The following CRNKL1 variants were observed in gnomAD, a reference collection of about 807,000 sequenced individuals.
The protein encoded by CRNKL1 is crooked neck-like protein 1.
A neutral mutation model predicts 103.7 loss-of-function variants in CRNKL1; 35 were observed. That is an observed-to-expected ratio of 0.34 (90% CI 0.26 to 0.45). CRNKL1 has a LOEUF of 0.45. Ranked by LOEUF, CRNKL1 falls within the 20% of genes least tolerant of loss-of-function variation. The probability of loss-of-function intolerance (pLI) is 1.00; values close to 1 mark genes in which losing one functional copy is unlikely to be tolerated. For missense variants in CRNKL1, 645 were observed against 836.0 expected (o/e 0.77, Z 2.82); for synonymous variants, 267 against 282.6 (o/e 0.94, Z 0.55).
In CRNKL1 at chr20:20,039,758, T is replaced by G. The variant is rs751448323; in HGVS notation, c.1396A>C (p.Lys466Gln). ...LQLREFDRCRKLYEKFLEFGP... is the reference protein window; with the variant it reads ...LQLREFDRCRQLYEKFLEFGP... The stretch of plus-strand genomic sequence containing the variant: ...AATTCCAGGAACTTTTCATAAAGCT[T>G]CCGGCATCTGTCAAATTCTCGAAGC... Residue 466 changes from lysine to glutamine, a missense_variant, in exon 11 of 14, where the codon AAG becomes CAG. Physicochemically the swap from Lys to Gln is moderately conservative, Grantham distance 53. Around this residue, in one of 2 missense-constraint regions of CRNKL1, gnomAD observed 582 missense variants for 707.7 expected, o/e 0.82. Transcript: ENST00000536226. The G allele has an allele frequency of 1.9e-6, 3 of 1,614,212 alleles. No individual in the cohort carries two copies. The South Asian group carries it at 3.3e-5, about 18-fold the overall frequency.
chr20:20,055,864 A>G, upstream of CRNKL1: 1 of 1,068,080 alleles, frequency 9.4e-7, no homozygotes, highest in Middle Eastern at 2.0e-4. Flanking sequence ...TTCCCTATGA[A>G]GGAAAGAAGG....
rs1371411631 is a variant in CRNKL1, at chr20:20,034,959, A to G, written c.*1236T>C. 6.6e-6 allele frequency: 1 copy of G among 152,062 alleles called. No homozygotes were observed. The highest frequency in any genetic ancestry group is 1.5e-5 in the Non-Finnish European group (1 of 68,048). 9.4% of individuals were successfully genotyped at this position (152,062 alleles called of 1,614,324 possible). A position where few individuals can be genotyped will look rare whatever the true frequency, so the allele number is the denominator to read the frequency against. Reference sequence around the variant, plus strand: ...CAGTTCTAGTCCTTGGGCAGTGAACAAAGAAAAAATGTGCTTGAGAAACAC... The same window carrying G: ...CAGTTCTAGTCCTTGGGCAGTGAACGAAGAAAAAATGTGCTTGAGAAACAC... On this transcript the variant is annotated 3_prime_UTR_variant, in exon 14 of 14. Transcript: ENST00000536226.
rs1276901415 is a variant in CRNKL1, at chr20:20,039,918, C to T, written c.1306-70G>A. ...TAATCTGTGCAGTTATTGCACTGCC[C>T]TAGAGGCTGTTCTCTGCTGAGGAAG... On this transcript the variant is annotated intron_variant, in intron 10 of 13. Coordinates refer to ENST00000536226, the MANE Select transcript of CRNKL1 (RefSeq NM_001278628.2). 5.4e-6 allele frequency: 8 copies of T among 1,489,450 alleles called. No individual in the cohort carries two copies. In the African/African-American group the frequency reaches 8.4e-5, roughly 16 times the overall value. The allele number at this position is 1,489,450 out of a possible 1,614,324, so 92.3% of individuals were successfully genotyped here.
intron 3 of CRNKL1, 120 bp downstream of exon 3, chr20:20,049,220 T>A: frequency 3.2e-6 from 2 of 629,342 alleles, no homozygotes; most frequent in Non-Finnish European, 5.4e-6. Flanking sequence ...GGAACCAAAG[T>A]TGAAAATTTC....
Position 20,052,423 on chromosome 20 carries a change from A to G in CRNKL1, c.-81T>C, listed in dbSNP as rs1433185794. ...CTCTGAGAGCTCACCGAAACCACAA[A>G]GCTTTCAGAAAACAAACAGGATCTC... On this transcript the variant is annotated 5_prime_UTR_variant, in exon 1 of 14. Transcript: ENST00000536226. 21 of 1,614,030 alleles carry G rather than the reference A, an allele frequency of 1.3e-5. No homozygotes were observed. Among genetic ancestry groups the G allele is most frequent in the Non-Finnish European group, 1.7e-5 (20 of 1,180,038 alleles).
intron 11 of CRNKL1, 28 bp from the exon 12 acceptor site, chr20:20,038,478 C>A (rs778890988): frequency 7.4e-7 from 1 of 1,354,390 alleles, no homozygotes; most frequent in South Asian, 1.3e-5. Context: ...ATGGGTCAGT[C>A]TTGACATTTA....
chr20:20,054,800 A>C (rs1325316875), upstream of CRNKL1, among the ~76,000 whole-genome samples: 2 of 152,044 alleles, frequency 1.3e-5, no homozygotes, highest in Non-Finnish European at 2.9e-5. Context: ...GGTTCCTTTA[A>C]AGTTTTCTGT....
At chr20:20,047,673 G>A in intron 5 of CRNKL1, 92 bp downstream of exon 5, 1 of 1,216,902 alleles carries the variant, frequency 8.2e-7, no homozygotes, top group Non-Finnish European at 1.1e-6. Flanking sequence ...TGACATTAAT[G>A]ACTGTGTGTC....
chr20:20,050,662 C>A, intron 1 of CRNKL1, 40 bp from the exon 2 acceptor site: 1 of 1,562,458 alleles, frequency 6.4e-7, no homozygotes, highest in Non-Finnish European at 8.7e-7. Context: ...AGTAGTTGCT[C>A]TTCACACAAG....
In CRNKL1 at chr20:20,052,314, T is replaced by G; in HGVS notation, c.29A>C (p.Gln10Pro). The G allele has an allele frequency of 6.2e-7, 1 of 1,611,906 alleles. No homozygotes were observed. The highest frequency in any genetic ancestry group is 8.5e-7 in the Non-Finnish European group (1 of 1,179,550). The change falls in exon 1 of 14, where the codon CAG becomes CCG. Residue 10 changes from glutamine (Q) to proline (P), a missense_variant. Around this residue, in one of 2 missense-constraint regions of CRNKL1, gnomAD observed 63 missense variants for 128.3 expected, o/e 0.49. Coordinates refer to ENST00000536226, the MANE Select transcript of CRNKL1 (RefSeq NM_001278628.2). MAASTAAGK[Q>P]RIPKVAKVKN... ...TACCTTGGCCACTTTGGGAATCCGC[T>G]GCTTCCCGGCCGCGGTGGAGGCCGC...
chr20:20,037,948 A>G (rs1402022562), intron 12 of CRNKL1, among the ~76,000 whole-genome samples: 1 of 151,988 alleles, frequency 6.6e-6, no homozygotes, highest in African/African-American at 2.4e-5. Context: ...TAGCCTGGGC[A>G]TTATGGTGCG....
At position 20,052,296 on chromosome 20, in the gene CRNKL1, G is replaced by C; in HGVS notation, c.47C>G (p.Ala16Gly). 1 of 1,609,664 alleles carries C rather than the reference G, an allele frequency of 6.2e-7. No individual in the cohort carries two copies. The highest frequency in any genetic ancestry group is 8.5e-7 in the Non-Finnish European group (1 of 1,179,106). The stretch of plus-strand genomic sequence containing the variant: ...AGGCCCCTCGCGATCGCCTACCTTG[G>C]CCACTTTGGGAATCCGCTGCTTCCC... ...AAGKQRIPKV[A>G]KVKNKAPAEV... Residue 16 changes from alanine to glycine, a missense_variant, in exon 1 of 14, where the codon GCC becomes GGC. Transcript: ENST00000536226.
At position 20,034,388 on chromosome 20, in the gene CRNKL1, GGATT is replaced by G. The variant is rs1206912452; in HGVS notation, c.*1803_*1806del. The G allele has an allele frequency of 1.3e-5, 2 of 152,084 alleles. No individual in the cohort carries two copies. Among genetic ancestry groups the G allele is most frequent in the East Asian group, 3.8e-4 (2 of 5,196 alleles). The allele number at this position is 152,084 out of a possible 1,614,324, so 9.4% of individuals were successfully genotyped here. On this transcript the variant is annotated 3_prime_UTR_variant, in exon 14 of 14. Transcript: ENST00000536226. ...AATTATTAAACTTTTACTATCGAAA[GGATT>G]TACTTTGGTGGAGTTGAGGGTGGGA... is the stretch of plus-strand genomic sequence containing the variant.
At chr20:20,045,538 A>G (rs1443068547) in intron 5 of CRNKL1, 52 bp from the exon 6 acceptor site, 2 of 1,502,350 alleles carry the variant, frequency 1.3e-6, no homozygotes, top group Non-Finnish European at 9.0e-7. Flanking sequence ...TTAAAAAAAT[A>G]GTAAGTAAGT....
At chr20:20,050,085 G>A (rs190714443) in intron 2 of CRNKL1, among the ~76,000 whole-genome samples, 22 of 152,306 alleles carry the variant, frequency 1.4e-4, no homozygotes, top group Admixed American at 1.4e-3. Flanking sequence ...CCAAAGTGTT[G>A]GGATTACAGG....
chr20:20,036,245 CCTT>C lies in CRNKL1; in HGVS notation c.2011_2013del (p.Lys671del), dbSNP rs2043417072. On this transcript the variant is annotated inframe_deletion, in exon 14 of 14. Transcript: ENST00000536226. ...TCATCTGGATGGTGCTCAGCATCCTCCTTTTCCTGCTGCTGTTTCTTCCACAGT... is the reference window on the plus strand; with the variant it reads ...TCATCTGGATGGTGCTCAGCATCCTCTTCCTGCTGCTGTTTCTTCCACAGT... The C allele has an allele frequency of 6.2e-7, 1 of 1,614,076 alleles. No homozygotes were observed. The highest frequency in any genetic ancestry group is 1.1e-5 in the South Asian group (1 of 91,086).
intron 3 of CRNKL1, 26 bp from the exon 4 acceptor site, chr20:20,048,527 T>G: frequency 6.2e-7 from 1 of 1,611,712 alleles, no homozygotes; most frequent in Non-Finnish European, 8.5e-7. Context: ...TTGCAGGGCA[T>G]CAAAAATAGA....
In CRNKL1 at chr20:20,041,615, C is replaced by G. The variant is rs1179797725; in HGVS notation, c.1175G>C (p.Arg392Thr). The change falls in exon 9 of 14, where the codon AGG (arginine) becomes ACG (threonine). Residue 392 changes from arginine (R) to threonine (T), a missense_variant. Arg to Thr is a moderately conservative substitution (Grantham distance 71). This residue lies in a region of CRNKL1 where 582 missense variants were observed against 707.7 expected (regional missense o/e 0.82). Transcript: ENST00000536226. ...YEELEAKDPERTRQVYQASLE... is the reference protein window; with the variant it reads ...YEELEAKDPETTRQVYQASLE... The stretch of plus-strand genomic sequence containing the variant: ...AGAGGCTTGATACACCTGTCTTGTC[C>G]TCTCAGGATCCTGTATTAGGATAAG... 23 of 1,612,424 alleles carry G rather than the reference C, an allele frequency of 1.4e-5. No homozygotes were observed. The highest frequency in any genetic ancestry group is 2.0e-5 in the Non-Finnish European group (23 of 1,178,672).
upstream of CRNKL1, among the ~76,000 whole-genome samples, chr20:20,052,990 A>G (rs1263362643): frequency 2.0e-5 from 3 of 152,366 alleles, no homozygotes; most frequent in Non-Finnish European, 4.4e-5. Context: ...CTTTGAAGCC[A>G]GATATTAGGA....
Sources: gnomAD v4.1 joint callset for allele counts (sites outside exome capture counted in the v4.1 genomes callset) on GRCh38, gnomAD v4.1.1 for gene constraint, gnomAD v4.1.1 regional missense constraint, MANE v1.5 for transcripts, NCBI Gene and HGNC (gene_info 2026-07-23, HGNC 2026-07-21) for gene names.